SEC24C: variants seen among roughly 807,000 people sequenced by gnomAD.
The protein encoded by SEC24C is SEC24 homolog C, COPII component.
A neutral mutation model predicts 117.0 loss-of-function variants in SEC24C; 22 were observed. That is an observed-to-expected ratio of 0.19 (90% CI 0.13 to 0.27). The LOEUF is 0.27. Among genes scored for constraint, SEC24C ranks in the 10% least tolerant of loss-of-function variants. The pLI is 1.00. For synonymous variants in SEC24C, 506 were observed against 529.4 expected (o/e 0.96, Z 0.61); for missense variants, 1,155 against 1,375.1 (o/e 0.84, Z 2.53).
At chr10:73,757,498 G>A (rs1262634185) in intron 3 of SEC24C, among the ~76,000 whole-genome samples, 2 of 149,852 alleles carry the variant, frequency 1.3e-5, no homozygotes, top group African/African-American at 2.5e-5. Context: ...GTGCCAGAGT[G>A]AGACCCTGTC....
chr10:73,771,400 C>T lies in SEC24C; in HGVS notation c.*305C>T, dbSNP rs185555119. On this transcript the variant is annotated 3_prime_UTR_variant, in exon 23 of 23. Transcript: ENST00000345254. ...ATTGGGGGTTTGGAGGCACCCAGAC[C>T]CTGGCAATATTATGTGTCCCTTTGG... The T allele has an allele frequency of 9.7e-6, 3 of 310,198 alleles. No homozygotes were observed. In the Admixed American group the frequency reaches 1.4e-4, roughly 15 times the overall value. The allele number at this position is 310,198 out of a possible 1,614,324, so 19.2% of individuals were successfully genotyped here. A position where few individuals can be genotyped will look rare whatever the true frequency, so the allele number is the denominator to read the frequency against.
rs746577446 is a variant in SEC24C at position 73,768,909 on chromosome 10, C to T, written c.2278+3C>T. ...GATGCGGGTCCGGACAAGCACTGGT[C>T]AGTCCTGATTGAAGAGCAGGTTGGG... On this transcript the variant is annotated splice_donor_region_variant and intron_variant, in intron 16 of 22. Coordinates refer to ENST00000345254, the MANE Select transcript of SEC24C (RefSeq NM_198597.3). The T allele has an allele frequency of 3.7e-6, 6 of 1,614,140 alleles. No homozygotes were observed. Among genetic ancestry groups the T allele is most frequent in the Non-Finnish European group, 5.1e-6 (6 of 1,180,026 alleles).
Position 73,770,482 on chromosome 10 carries a change from G to A in SEC24C, c.3054+11G>A, listed in dbSNP as rs1053431207. On this transcript the variant is annotated intron_variant, in intron 21 of 22. Coordinates refer to ENST00000345254, the MANE Select transcript of SEC24C (RefSeq NM_198597.3). ...ATCACCAGTGGTTTGGTGAGGGCAG[G>A]GAGTCAAGGAGAATATGGGTGTGGA... 4 of 1,613,608 alleles carry A rather than the reference G, an allele frequency of 2.5e-6. No individual in the cohort carries two copies. Among genetic ancestry groups the A allele is most frequent in the Non-Finnish European group, 3.4e-6 (4 of 1,179,736 alleles).
At chr10:73,763,089 T>C (rs1041111142) in intron 6 of SEC24C, among the ~76,000 whole-genome samples, 5 of 152,248 alleles carry the variant, frequency 3.3e-5, no homozygotes, top group Non-Finnish European at 5.9e-5. Context: ...TGACTCAGAA[T>C]GTGTCTTGGG....
At chr10:73,748,525 T>C (rs1046849096) in intron 2 of SEC24C, among the ~76,000 whole-genome samples, 1 of 151,876 alleles carries the variant, frequency 6.6e-6, no homozygotes, top group Non-Finnish European at 1.5e-5. Context: ...AACCTCCGCC[T>C]CCCAGGTTCA....
Position 73,770,376 on chromosome 10 carries a change from C to T in SEC24C, c.2959C>T (p.Leu987Phe). 6.2e-7 allele frequency: 1 copy of T among 1,614,060 alleles called. No homozygotes were observed. The highest frequency in any genetic ancestry group is 8.5e-7 in the Non-Finnish European group (1 of 1,179,990). The change falls in exon 21 of 23, where the codon CTC (leucine) becomes TTC (phenylalanine). Residue 987 changes from leucine to phenylalanine, a missense_variant. By Grantham distance (22) the Leu-to-Phe change is conservative (BLOSUM62 0). Around this residue, in one of 2 missense-constraint regions of SEC24C, gnomAD observed 759 missense variants for 992.3 expected, o/e 0.76. Transcript: ENST00000345254. ...NGDIYLLENG[L>F]NLFLWVGASV... ...GGATATATATTTACTGGAGAATGGG[C>T]TCAACCTCTTCCTCTGGGTGGGAGC...
At chr10:73,761,315 C>T (rs1423067547) in intron 6 of SEC24C, among the ~76,000 whole-genome samples, 1 of 152,124 alleles carries the variant, frequency 6.6e-6, no homozygotes, top group Non-Finnish European at 1.5e-5. Context: ...AGGAAGTCCC[C>T]AGTACTTTTG....
chr10:73,762,115 T>G, intron 6 of SEC24C: 1 of 1,289,730 alleles, frequency 7.8e-7, no homozygotes, highest in Non-Finnish European at 1.0e-6. Flanking sequence ...GTGAGCTGCC[T>G]CCTCAGCAGA....
rs962121085 is a variant in SEC24C, at chr10:73,749,436, C to T, written c.173-1672C>T. The stretch of plus-strand genomic sequence containing the variant: ...CCATCCTTTTCCTTTGCTTGAGTTT[C>T]CTCTGCTTCTTAGATGCTCTGTAAT... On this transcript the variant is annotated intron_variant, in intron 2 of 22. Coordinates refer to ENST00000345254, the MANE Select transcript of SEC24C (RefSeq NM_198597.3). Among the ~76,000 whole-genome samples the T allele has an allele frequency of 5.3e-5, 8 of 152,122 alleles. No homozygotes were observed. The South Asian group carries it at 6.2e-4, about 12-fold the overall frequency.
intron 6 of SEC24C, among the ~76,000 whole-genome samples, chr10:73,761,189 A>T (rs1044817091): frequency 1.3e-5 from 2 of 152,162 alleles, no homozygotes; most frequent in African/African-American, 4.8e-5. Context: ...GTCCCCTTAG[A>T]TCTAGAAGGA....
chr10:73,769,700 A>G lies in SEC24C; in HGVS notation c.2649A>G (p.Arg883=). The G allele has an allele frequency of 6.2e-7, 1 of 1,614,182 alleles. No homozygotes were observed. Among genetic ancestry groups the G allele is most frequent in the Non-Finnish European group, 8.5e-7 (1 of 1,180,022 alleles). Residue 883 remains arginine (R), a synonymous_variant, in exon 19 of 23, where the codon AGA becomes AGG. Transcript: ENST00000345254. The surrounding 1 kb of genome is among the most constrained non-coding windows in gnomAD (Gnocchi z 4.5). ...GTGCCCAGATCCTGGCCTGTTACAGAAAGAACTGTGCTAGCCCCTCCTCTG... is the reference window on the plus strand; with the variant it reads ...GTGCCCAGATCCTGGCCTGTTACAGGAAGAACTGTGCTAGCCCCTCCTCTG... ...TQCAQILACY[R]KNCASPSSAG...
intron 3 of SEC24C, among the ~76,000 whole-genome samples, chr10:73,752,833 A>G (rs947925393): frequency 3.3e-5 from 5 of 152,118 alleles, no homozygotes; most frequent in Non-Finnish European, 4.4e-5. Context: ...CAAAAAAACA[A>G]AACAAAACAA....
rs766258670 is a variant in SEC24C, at chr10:73,760,438, G to A, written c.850+52G>A. ...GAAGCTAGAGGCTTCAGCTACTCAGGTGGTTTTTGATGTTTTTTATTTGTT... is the reference window on the plus strand; with the variant it reads ...GAAGCTAGAGGCTTCAGCTACTCAGATGGTTTTTGATGTTTTTTATTTGTT... On this transcript the variant is annotated intron_variant, in intron 5 of 22. Coordinates refer to ENST00000345254, the MANE Select transcript of SEC24C (RefSeq NM_198597.3). The A allele has an allele frequency of 1.4e-5, 21 of 1,507,934 alleles. No individual in the cohort carries two copies. The South Asian group carries it at 2.4e-4, about 17-fold the overall frequency. 93.4% of individuals were successfully genotyped at this position (1,507,934 alleles called of 1,614,324 possible). A position where few individuals can be genotyped will look rare whatever the true frequency, so the allele number is the denominator to read the frequency against.
chr10:73,770,539 A>G (rs759929394), intron 21 of SEC24C, 68 bp downstream of exon 21: 2 of 1,561,652 alleles, frequency 1.3e-6, no homozygotes, highest in Non-Finnish European at 8.8e-7. Flanking sequence ...GGGAGCCAAT[A>G]TAGTTAGTGT....
At chr10:73,761,054 A>T (rs749480341) in intron 6 of SEC24C, among the ~76,000 whole-genome samples, 5 of 152,226 alleles carry the variant, frequency 3.3e-5, no homozygotes, top group Non-Finnish European at 7.3e-5. Flanking sequence ...ATAGCTGGGC[A>T]GAGAAGGAAG....
At position 73,760,276 on chromosome 10, in the gene SEC24C, T is replaced by G; in HGVS notation, c.740T>G (p.Val247Gly). ...CCCTCAGTGAGCCAGCCCAACCATG[T>G]GTCTTCACCTCCTCAAGCTCTGCCC... ...GGPSVSQPNH[V>G]SSPPQALPPG... The change falls in exon 5 of 23, where the codon GTG becomes GGG. Residue 247 changes from valine to glycine, a missense_variant. Coordinates refer to ENST00000345254, the MANE Select transcript of SEC24C (RefSeq NM_198597.3). 6.2e-7 allele frequency: 1 copy of G among 1,614,046 alleles called. No homozygotes were observed. The highest frequency in any genetic ancestry group is 8.5e-7 in the Non-Finnish European group (1 of 1,180,010).
chr10:73,745,340 A>G (rs1190872261), intron 1 of SEC24C, among the ~76,000 whole-genome samples: 1 of 151,914 alleles, frequency 6.6e-6, no homozygotes, highest in Non-Finnish European at 1.5e-5. Context: ...TAAGGGGAGC[A>G]GAAACAGGAG....
intron 3 of SEC24C, among the ~76,000 whole-genome samples, chr10:73,758,718 A>G (rs1047420436): frequency 5.9e-5 from 9 of 152,314 alleles, no homozygotes; most frequent in Middle Eastern, 3.4e-3. Flanking sequence ...AAGTTCAACT[A>G]TGTTGTAGTG....
Position 73,763,923 on chromosome 10 carries a change from G to T in SEC24C, c.1167G>T (p.Lys389Asn), listed in dbSNP as rs750910321. Reference sequence around the variant, plus strand: ...TCCCTTGCACATCTGACATGGCTAAGCAGGCTCAGGTGCCCCTGGCAGCAG... The same window carrying T: ...TCCCTTGCACATCTGACATGGCTAATCAGGCTCAGGTGCCCCTGGCAGCAG... ...YNIPCTSDMAKQAQVPLAAVI... is the reference protein window; with the variant it reads ...YNIPCTSDMANQAQVPLAAVI... The change falls in exon 8 of 23, where the codon AAG becomes AAT. Residue 389 changes from lysine to asparagine, a missense_variant. This residue lies in a region of SEC24C where 759 missense variants were observed against 992.3 expected (regional missense o/e 0.76). Coordinates refer to ENST00000345254, the MANE Select transcript of SEC24C (RefSeq NM_198597.3). The T allele has an allele frequency of 5.0e-6, 8 of 1,612,544 alleles. No individual in the cohort carries two copies. The highest frequency in any genetic ancestry group is 1.6e-4 in the Middle Eastern group (1 of 6,062).
Sources: allele counts gnomAD v4.1 joint callset (sites outside exome capture counted in the v4.1 genomes callset), GRCh38; gene constraint gnomAD v4.1.1; regional missense constraint gnomAD v4.1.1; non-coding constraint Gnocchi (gnomAD v3.1); transcripts MANE v1.5; gene names NCBI Gene and HGNC (gene_info 2026-07-23, HGNC 2026-07-21).